Variants in DCHS2 observed in about 807,000 individuals in gnomAD.
DCHS2 encodes the protein protocadherin-23.
In DCHS2, 142 loss-of-function variants were observed where a neutral mutation model predicts 182.4. The ratio of observed to expected loss-of-function variants is 0.78; its 90% CI spans 0.68 to 0.89. The LOEUF (loss-of-function observed/expected upper bound fraction) is 0.89. Among genes scored for constraint, DCHS2 ranks in the 40% least tolerant of loss-of-function variants. DCHS2 has a pLI of 0.00. For missense variants in DCHS2, 4,319 were observed against 4,198.6 expected, an observed-to-expected ratio of 1.03 and a Z score of -0.79; for synonymous variants, 1,740 against 1,663.3, an observed-to-expected ratio of 1.05 and a Z score of -1.12.
chr4:154,469,839 A>G (rs938225165), intron 1 of DCHS2, among the ~76,000 whole-genome samples: 2 of 151,888 alleles, frequency 1.3e-5, no homozygotes, highest in Admixed American at 1.3e-4. Context: ...TGTTAGACAA[A>G]CCTTTCCTTC....
In DCHS2 at chr4:154,320,378, C is replaced by T. The variant is rs138394278; in HGVS notation, c.5020+1G>A. Reference sequence around the variant, plus strand: ...TAAAAGTGACATATAGGGCACTGTACCTGATGACTCATCTAGCATAAACGT... The same window carrying T: ...TAAAAGTGACATATAGGGCACTGTATCTGATGACTCATCTAGCATAAACGT... On this transcript the variant is annotated splice_donor_variant, in intron 9 of 19. Coordinates refer to ENST00000357232, the MANE Select transcript of DCHS2 (RefSeq NM_001358235.2). LOFTEE classifies it high-confidence loss of function. 5.6e-6 allele frequency: 9 copies of T among 1,612,638 alleles called. No homozygotes were observed. The African/African-American group carries it at 1.1e-4, about 19-fold the overall frequency.
chr4:154,356,491 T>C (rs1384584862), intron 3 of DCHS2, among the ~76,000 whole-genome samples: 2 of 152,218 alleles, frequency 1.3e-5, no homozygotes, highest in African/African-American at 4.8e-5. Context: ...GTCCTACATC[T>C]TCACATTAAT....
intron 3 of DCHS2, among the ~76,000 whole-genome samples, chr4:154,357,887 T>C (rs1270726098): frequency 6.6e-6 from 1 of 152,190 alleles, no homozygotes; most frequent in Non-Finnish European, 1.5e-5. Flanking sequence ...CTTAAGAAAC[T>C]TCTCCTTTAT....
intron 1 of DCHS2, among the ~76,000 whole-genome samples, chr4:154,378,652 A>G (rs899802869): frequency 5.9e-5 from 9 of 152,142 alleles, no homozygotes; most frequent in African/African-American, 2.2e-4. Flanking sequence ...ACTAACGTTC[A>G]CTCTTCAGAT....
intron 13 of DCHS2, among the ~76,000 whole-genome samples, chr4:154,290,589 C>T (rs1734610703): frequency 6.6e-6 from 1 of 151,702 alleles, no homozygotes; most frequent in African/African-American, 2.4e-5. Context: ...TAAAAACAAA[C>T]ATATAAACCA....
intron 10 of DCHS2, among the ~76,000 whole-genome samples, chr4:154,305,998 G>A (rs1174150650): frequency 6.6e-6 from 1 of 152,064 alleles, no homozygotes; most frequent in Non-Finnish European, 1.5e-5. Flanking sequence ...ACACAGTACT[G>A]AGAATATATG....
At chr4:154,465,487 C>T (rs1427971307) in intron 1 of DCHS2, among the ~76,000 whole-genome samples, 2 of 151,972 alleles carry the variant, frequency 1.3e-5, no homozygotes, top group Non-Finnish European at 1.5e-5. Context: ...TGGACAACAT[C>T]GTGAAACCCT....
intron 13 of DCHS2, among the ~76,000 whole-genome samples, chr4:154,272,729 C>A (rs1733656892): frequency 1.3e-5 from 2 of 152,098 alleles, no homozygotes; most frequent in Admixed American, 6.6e-5. Context: ...CAGGTAGTAT[C>A]TTTATAGCAG....
chr4:154,283,040 G>A (rs900690728), intron 13 of DCHS2, among the ~76,000 whole-genome samples: 1 of 152,096 alleles, frequency 6.6e-6, no homozygotes, highest in Non-Finnish European at 1.5e-5. Flanking sequence ...GAAGAAAATA[G>A]CTTGGTGGGC....
chr4:154,456,351 C>T (rs1734765938), intron 1 of DCHS2, among the ~76,000 whole-genome samples: 1 of 152,186 alleles, frequency 6.6e-6, no homozygotes, highest in South Asian at 2.1e-4. Flanking sequence ...ATCAACAGTG[C>T]AGTAGCTGCT....
chr4:154,373,811 A>T, intron 2 of DCHS2: 1 of 834,504 alleles, frequency 1.2e-6, no homozygotes, highest in Non-Finnish European at 2.0e-6. Flanking sequence ...GCCAAGATGG[A>T]GAAGGTGTGC....
At chr4:154,307,702 T>C (rs773636972) in intron 10 of DCHS2, among the ~76,000 whole-genome samples, 1 of 152,154 alleles carries the variant, frequency 6.6e-6, no homozygotes, top group Non-Finnish European at 1.5e-5. Flanking sequence ...ATCCAACAGA[T>C]GGCTGGGGCT....
chr4:154,308,702 A>G (rs1010086854), intron 10 of DCHS2, among the ~76,000 whole-genome samples: 4 of 152,204 alleles, frequency 2.6e-5, no homozygotes, highest in African/African-American at 9.6e-5. Context: ...ATAGTTTGTC[A>G]TTAATTATCT....
chr4:154,357,192 G>A (rs758855059), intron 3 of DCHS2: 2 of 1,498,236 alleles, frequency 1.3e-6, no homozygotes, highest in Admixed American at 1.7e-5. Context: ...TCTGACTCTG[G>A]CTTTTTTGGA....
intron 9 of DCHS2, among the ~76,000 whole-genome samples, chr4:154,320,144 A>G (rs544181638): frequency 5.3e-5 from 8 of 152,218 alleles, no homozygotes; most frequent in African/African-American, 1.9e-4. Flanking sequence ...AGTCTAATTC[A>G]TGGAATCAAA....
chr4:154,433,685 C>T (rs759074077), intron 1 of DCHS2, among the ~76,000 whole-genome samples: 22 of 152,110 alleles, frequency 1.4e-4, no homozygotes, highest in African/African-American at 1.9e-4. Flanking sequence ...TGAATCACTG[C>T]GCCAGGCCAG....
intron 1 of DCHS2, among the ~76,000 whole-genome samples, chr4:154,379,235 C>T (rs1376284570): frequency 1.3e-5 from 2 of 152,124 alleles, no homozygotes; most frequent in African/African-American, 4.8e-5. Context: ...TGCAAGGTCC[C>T]CAAAGTCACT....
At chr4:154,267,937 T>C (rs573546402) in intron 14 of DCHS2, among the ~76,000 whole-genome samples, 1 of 152,192 alleles carries the variant, frequency 6.6e-6, no homozygotes, top group Non-Finnish European at 1.5e-5. Context: ...GAAGCCTTCA[T>C]AGAGGGCTCA....
chr4:154,426,704 A>C (rs4696566), intron 1 of DCHS2, among the ~76,000 whole-genome samples: 121,602 of 151,840 alleles, frequency 0.8, 52,323 homozygotes, highest in Non-Finnish European at 0.95. Flanking sequence ...GAGGCTGAGG[A>C]GGGAGGATTC....
Sources: gnomAD v4.1 joint callset for allele counts (sites outside exome capture counted in the v4.1 genomes callset) on GRCh38, gnomAD v4.1.1 for gene constraint, MANE v1.5 for transcripts, NCBI Gene and HGNC (gene_info 2026-07-23, HGNC 2026-07-21) for gene names.